Variants in WDR43 observed in about 807,000 individuals in gnomAD.
WDR43 encodes the protein WD repeat domain 43, also known as WD repeat-containing protein 43.
In WDR43, 13 loss-of-function variants were observed where a neutral mutation model predicts 91.4. The ratio of observed to expected loss-of-function variants is 0.14; its 90% CI spans 0.09 to 0.23. WDR43 has a LOEUF of 0.23. WDR43 is among the 10% of genes least tolerant of loss of function. The pLI, the probability that WDR43 is intolerant of heterozygous loss-of-function variation, is 1.00. For missense variants in WDR43, 780 were observed against 809.4 expected (o/e 0.96, Z 0.44); for synonymous variants, 331 against 287.9 (o/e 1.15, Z -1.51).
intron 16 of WDR43, among the ~76,000 whole-genome samples, chr2:28,944,315 G>A (rs1671502377): frequency 6.6e-6 from 1 of 152,076 alleles, no homozygotes; most frequent in Non-Finnish European, 1.5e-5. Flanking sequence ...ACATGTAATG[G>A]ATGGGCATTT....
rs1020543609 is a variant in WDR43 at position 28,901,857 on chromosome 2, C to T, written c.226-130C>T. 1.0e-5 allele frequency: 9 copies of T among 878,036 alleles called. No individual in the cohort carries two copies. The African/African-American group carries it at 1.4e-4, about 13-fold the overall frequency. 54.4% of individuals were successfully genotyped at this position (878,036 alleles called of 1,614,324 possible). A position where few individuals can be genotyped will look rare whatever the true frequency, so the allele number is the denominator to read the frequency against. On this transcript the variant is annotated intron_variant, in intron 1 of 17. Coordinates refer to ENST00000407426, the MANE Select transcript of WDR43 (RefSeq NM_015131.3). ...CTTTTTGAAGTAGTGAGAAGTAAAT[C>T]ACCCAATAGCTTCTCTCTTCCCCCC...
At position 28,936,969 on chromosome 2, in the gene WDR43, T is replaced by C. The variant is rs1435610669; in HGVS notation, c.1556+16T>C. 1.0e-5 allele frequency: 16 copies of C among 1,564,918 alleles called. No homozygotes were observed. Among genetic ancestry groups the C allele is most frequent in the Non-Finnish European group, 1.4e-5 (16 of 1,154,022 alleles). On this transcript the variant is annotated intron_variant, in intron 13 of 17. Transcript: ENST00000407426. The stretch of plus-strand genomic sequence containing the variant: ...ATCCTAATAGGTAAGATTAAACAGG[T>C]GACTTAAAAACAGTGTTGTCTGACA...
rs747026980 is a variant in WDR43, at chr2:28,914,069, C to A, written c.607C>A (p.His203Asn). 1.2e-6 allele frequency: 2 copies of A among 1,612,608 alleles called. No individual in the cohort carries two copies. Among genetic ancestry groups the A allele is most frequent in the Admixed American group, 1.7e-5 (1 of 59,662 alleles). Residue 203 changes from histidine to asparagine, a missense_variant and splice_region_variant, in exon 5 of 18, where the codon CAT becomes AAT. By Grantham distance (68) the His-to-Asn change is moderately conservative. Transcript: ENST00000407426. ...WVLETKEVYR[H>N]FTGHATPVSS... ...CTAACTGAGATTTAACTTTCTCTAG[C>A]ATTTCACAGGACATGCAACGCCAGT...
At chr2:28,902,234 A>C in intron 2 of WDR43, 110 bp downstream of exon 2, 1 of 1,168,634 alleles carries the variant, frequency 8.6e-7, no homozygotes, top group Non-Finnish European at 1.2e-6. Context: ...TGCAGTAGGG[A>C]CAGTTTTCAG....
intron 2 of WDR43, 30 bp from the exon 3 acceptor site, chr2:28,906,430 T>C: frequency 6.6e-7 from 1 of 1,508,122 alleles, no homozygotes; most frequent in Non-Finnish European, 8.8e-7. Context: ...GAGACCAGCC[T>C]TAAATTTTTT....
intron 1 of WDR43, among the ~76,000 whole-genome samples, chr2:28,900,655 A>G (rs1670562080): frequency 6.6e-6 from 1 of 152,198 alleles, no homozygotes; most frequent in Admixed American, 6.5e-5. Context: ...ATGTAACTGA[A>G]ACGGGGACCT....
rs1040355800 is a variant in WDR43, at chr2:28,925,033, T to C, written c.966T>C (p.Pro322=). Residue 322 remains proline, a synonymous_variant, in exon 8 of 18, where the codon CCT becomes CCC. Coordinates refer to ENST00000407426, the MANE Select transcript of WDR43 (RefSeq NM_015131.3). ...ACTGCACAATTCAGATAGCAACACC[T>C]GGGAAAGGCAAGAAGTCAACACCAA... ...TSNCTIQIAT[P]GKGKKSTPKP... is the part of the protein sequence containing the mutation. 6.2e-7 allele frequency: 1 copy of C among 1,613,754 alleles called. No homozygotes were observed. The highest frequency in any genetic ancestry group is 8.5e-7 in the Non-Finnish European group (1 of 1,179,848).
intron 3 of WDR43, among the ~76,000 whole-genome samples, chr2:28,906,938 A>T (rs1340427440): frequency 6.6e-6 from 1 of 152,092 alleles, no homozygotes; most frequent in African/African-American, 2.4e-5. Flanking sequence ...AGGGTGGAGA[A>T]AAGAAGTTGG....
chr2:28,943,651 G>A (rs1438696300), intron 16 of WDR43, among the ~76,000 whole-genome samples: 1 of 152,150 alleles, frequency 6.6e-6, no homozygotes, highest in African/African-American at 2.4e-5. Flanking sequence ...AAAACCCGTA[G>A]TTCTGTGGAC....
chr2:28,920,587 AAATAC>A (rs1671005393), intron 6 of WDR43, among the ~76,000 whole-genome samples: 1 of 152,172 alleles, frequency 6.6e-6, no homozygotes, highest in Non-Finnish European at 1.5e-5. Flanking sequence ...CTTTAAGTCT[AAATAC>A]AAGTAATTTA....
rs1478573442 is a variant in WDR43, at chr2:28,907,825, A to G, written c.485+1244A>G. On this transcript the variant is annotated intron_variant, in intron 3 of 17. Transcript: ENST00000407426. ...AGGCTGAGGCAGGAGAATGGCGTGA[A>G]CCCGGGAGGCGGAGCTTGTAGTGAG... is the stretch of plus-strand genomic sequence containing the variant. Among the ~76,000 whole-genome samples, 3 of 147,974 alleles carry G rather than the reference A, an allele frequency of 2.0e-5. No homozygotes were observed. The East Asian group carries it at 6.4e-4, about 32-fold the overall frequency.
At chr2:28,902,255 G>A (rs974561959) in intron 2 of WDR43, 131 bp downstream of exon 2, 157 of 896,644 alleles carry the variant, frequency 1.8e-4, no homozygotes, top group African/African-American at 5.1e-5. Flanking sequence ...TCTCATCTAC[G>A]TTTAAATAAC....
At chr2:28,945,505 C>CA (rs758474368) in intron 16 of WDR43, among the ~76,000 whole-genome samples, 2 of 152,210 alleles carry the variant, frequency 1.3e-5, no homozygotes, top group Non-Finnish European at 2.9e-5. Flanking sequence ...GTGTATTTCA[C>CA]AGAATGCCCC....
chr2:28,910,043 G>A (rs1009455943), intron 3 of WDR43, among the ~76,000 whole-genome samples: 1 of 152,074 alleles, frequency 6.6e-6, no homozygotes. Context: ...GCTTCTTAAG[G>A]CTTAAATGTA....
At chr2:28,931,874 CTTTTTTTTT>C (rs11352086) in intron 11 of WDR43, among the ~76,000 whole-genome samples, 2 of 128,392 alleles carry the variant, frequency 1.6e-5, no homozygotes, top group Non-Finnish European at 1.6e-5. Flanking sequence ...TCCCCCCGCC[CTTTTTTTTT>C]TTTTTTTTTA....
intron 1 of WDR43, among the ~76,000 whole-genome samples, chr2:28,897,647 A>G (rs1467136290): frequency 6.6e-6 from 1 of 152,220 alleles, no homozygotes; most frequent in Non-Finnish European, 1.5e-5. Flanking sequence ...AAAGTATTCT[A>G]TGTTTGGTTT....
intron 15 of WDR43, 102 bp downstream of exon 15, chr2:28,941,676 G>T: frequency 1.2e-6 from 1 of 868,610 alleles, no homozygotes; most frequent in South Asian, 1.6e-5. Context: ...TGTCGCTCAG[G>T]CTGCACTGCG....
At chr2:28,900,281 G>C (rs1454059924) in intron 1 of WDR43, among the ~76,000 whole-genome samples, 1 of 152,018 alleles carries the variant, frequency 6.6e-6, no homozygotes, top group South Asian at 2.1e-4. Flanking sequence ...TCTGCCTCCC[G>C]GGTTCAAGCA....
chr2:28,903,662 C>T (rs570023884), intron 2 of WDR43, among the ~76,000 whole-genome samples: 11 of 152,182 alleles, frequency 7.2e-5, no homozygotes, highest in East Asian at 1.9e-4. Flanking sequence ...TCCTCCAAGT[C>T]GAGTGTGGTC....
Sources: allele counts gnomAD v4.1 joint callset (sites outside exome capture counted in the v4.1 genomes callset), GRCh38; gene constraint gnomAD v4.1.1; transcripts MANE v1.5; gene names NCBI Gene and HGNC (gene_info 2026-07-23, HGNC 2026-07-21).